The following STX18 variants were observed in gnomAD, a reference collection of about 807,000 sequenced individuals.
The protein encoded by STX18 is syntaxin 18.
STX18 carries 40 observed loss-of-function variants against 50.1 expected under a neutral mutation model. The observed-to-expected ratio is 0.80, with a 90% CI of 0.62 to 1.04. The LOEUF (loss-of-function observed/expected upper bound fraction) is 1.04, where lower values mean the gene tolerates loss of function less well. Ranked by LOEUF, STX18 falls within the 50% of genes least tolerant of loss-of-function variation. The pLI is 0.00. For missense variants in STX18, 410 were observed against 415.8 expected, an observed-to-expected ratio of 0.99 and a Z score of 0.12; for synonymous variants, 158 against 151.8, an observed-to-expected ratio of 1.04 and a Z score of -0.30.
chr4:4,517,026 C>G (rs1453186057), intron 1 of STX18, among the ~76,000 whole-genome samples: 1 of 152,180 alleles, frequency 6.6e-6, no homozygotes, highest in African/African-American at 2.4e-5. Flanking sequence ...GGTTACAATG[C>G]CACAGAGTCT....
intron 1 of STX18, among the ~76,000 whole-genome samples, chr4:4,480,241 A>T (rs1034032331): frequency 2.0e-5 from 3 of 152,228 alleles, no homozygotes; most frequent in Non-Finnish European, 2.9e-5. Context: ...AAAACATGTT[A>T]TTAAACAATC....
At chr4:4,435,158 G>T (rs1725712057) in intron 6 of STX18, among the ~76,000 whole-genome samples, 1 of 152,144 alleles carries the variant, frequency 6.6e-6, no homozygotes, top group South Asian at 2.1e-4. Flanking sequence ...ACATTATTCA[G>T]AATGTCTTCA....
rs750898442 is a variant in STX18, at chr4:4,420,006, C to T, written c.*28G>A. 5.2e-5 allele frequency: 82 copies of T among 1,584,146 alleles called. No homozygotes were observed. The highest frequency in any genetic ancestry group is 1.0e-4 in the Admixed American group (6 of 57,158). On this transcript the variant is annotated 3_prime_UTR_variant, in exon 11 of 11. Coordinates refer to ENST00000306200, the MANE Select transcript of STX18 (RefSeq NM_016930.4). This position sits in a 1 kb window ranked among gnomAD's most constrained non-coding sequence, Gnocchi z 4.3. ...CGCAGTCTGTGAGTGCCCATGAGGA[C>T]TCTCGTGCTGGGCCCCCGTGGCCCT...
rs529390856 is a variant in STX18, at chr4:4,515,039, T to C, written c.168+26758A>G. ...AACATTCAACATAAGGTACTTGTAA[T>C]CCTCTTTAAGTTTCACTTTCTCCAT... is the stretch of plus-strand genomic sequence containing the variant. On this transcript the variant is annotated intron_variant, in intron 1 of 10. Coordinates refer to ENST00000306200, the MANE Select transcript of STX18 (RefSeq NM_016930.4). Among the ~76,000 whole-genome samples, 216 of 152,310 alleles carry C rather than the reference T, an allele frequency of 1.4e-3. 1 individual carries two copies. The highest frequency in any genetic ancestry group is 2.6e-3 in the Non-Finnish European group (180 of 68,020).
intron 1 of STX18, among the ~76,000 whole-genome samples, chr4:4,479,271 C>T (rs184158528): frequency 4.9e-4 from 75 of 152,292 alleles, no homozygotes; most frequent in African/African-American, 1.8e-3. Context: ...CTAACACATC[C>T]TGTATAAATG....
intron 1 of STX18, among the ~76,000 whole-genome samples, chr4:4,513,543 G>GA (rs1730102109): frequency 6.6e-6 from 1 of 152,120 alleles, no homozygotes; most frequent in Admixed American, 6.5e-5. Context: ...GGATCTTATG[G>GA]TTGCTTTTAG....
At chr4:4,487,444 T>A (rs1176213790) in intron 1 of STX18, among the ~76,000 whole-genome samples, 1 of 152,200 alleles carries the variant, frequency 6.6e-6, no homozygotes, top group Non-Finnish European at 1.5e-5. Context: ...TCTCATTGAA[T>A]CCTCACAACA....
At chr4:4,425,380 G>A (rs1232774280) in intron 7 of STX18, 158 bp from the exon 8 acceptor site, 6 of 649,564 alleles carry the variant, frequency 9.2e-6, no homozygotes, top group Non-Finnish European at 1.7e-5. Context: ...GCATTAGTGT[G>A]AACAACGTCC....
intron 1 of STX18, among the ~76,000 whole-genome samples, chr4:4,506,170 A>G (rs1729698439): frequency 6.6e-6 from 1 of 152,248 alleles, no homozygotes; most frequent in Non-Finnish European, 1.5e-5. Context: ...TACACTCACC[A>G]GATAACTTAG....
intron 1 of STX18, among the ~76,000 whole-genome samples, chr4:4,530,727 T>C (rs1289288404): frequency 6.6e-6 from 1 of 152,114 alleles, no homozygotes; most frequent in Non-Finnish European, 1.5e-5. Flanking sequence ...CACCTCAGCC[T>C]CCCGGGTAGC....
At chr4:4,449,496 A>G (rs2108805504) in intron 5 of STX18, among the ~76,000 whole-genome samples, 1 of 152,324 alleles carries the variant, frequency 6.6e-6, no homozygotes, top group South Asian at 2.1e-4. Context: ...CACGGCCTCA[A>G]CACACAATAA....
At position 4,419,419 on chromosome 4, in the gene STX18, T is replaced by C. The variant is rs1398317792; in HGVS notation, c.*615A>G. 6.6e-6 allele frequency: 1 copy of C among 152,234 alleles called. No homozygotes were observed. The highest frequency in any genetic ancestry group is 2.4e-5 in the African/African-American group (1 of 41,456). 9.4% of individuals were successfully genotyped at this position (152,234 alleles called of 1,614,324 possible). On this transcript the variant is annotated 3_prime_UTR_variant, in exon 11 of 11. Coordinates refer to ENST00000306200, the MANE Select transcript of STX18 (RefSeq NM_016930.4). ...CTGCATTTCTTCCCTGATTGATTGA[T>C]AGGAGGTGGCTGGGCTGCCACTGAA...
intron 5 of STX18, among the ~76,000 whole-genome samples, chr4:4,450,000 C>T (rs544614495): frequency 1.3e-5 from 2 of 152,274 alleles, no homozygotes; most frequent in East Asian, 1.9e-4. Context: ...AAGAATCAGC[C>T]ATTTCCCTAA....
In STX18 at chr4:4,507,682, C is replaced by T. The variant is rs1409578749; in HGVS notation, c.168+34115G>A. 8 of 842,826 alleles carry T rather than the reference C, an allele frequency of 9.5e-6. No homozygotes were observed. The East Asian group carries it at 1.5e-4, about 15-fold the overall frequency. The allele number at this position is 842,826 out of a possible 1,614,324, so 52.2% of individuals were successfully genotyped here. On this transcript the variant is annotated intron_variant, in intron 1 of 10. Transcript: ENST00000306200. ...TCATAAAGGTTCGTTTGGACAAAGCCCAGCAGAACAACGTGGAACACAGAC... is the reference window on the plus strand; with the variant it reads ...TCATAAAGGTTCGTTTGGACAAAGCTCAGCAGAACAACGTGGAACACAGAC...
intron 2 of STX18, among the ~76,000 whole-genome samples, chr4:4,464,880 GATTC>G (rs1342567493): frequency 6.6e-6 from 1 of 150,656 alleles, no homozygotes; most frequent in East Asian, 1.9e-4. Context: ...GTGGCTCCTG[GATTC>G]ATTGATTTTT....
chr4:4,533,093 G>T (rs1387850072), intron 1 of STX18, among the ~76,000 whole-genome samples: 2 of 152,136 alleles, frequency 1.3e-5, no homozygotes, highest in African/African-American at 4.8e-5. Context: ...AAGTATTGCC[G>T]GGTTTAAAAT....
intron 1 of STX18, among the ~76,000 whole-genome samples, chr4:4,489,391 A>ATTTTTT (rs34563523): frequency 0.014 from 743 of 51,696 alleles, 175 homozygotes; most frequent in Non-Finnish European, 0.022. Context: ...ATGCAAAATA[A>ATTTTTT]TTTTTTTTTT....
intron 7 of STX18, among the ~76,000 whole-genome samples, chr4:4,429,513 G>A (rs1725418775): frequency 6.6e-6 from 1 of 152,138 alleles, no homozygotes; most frequent in Non-Finnish European, 1.5e-5. Context: ...GAGCACAGGG[G>A]GACCATCCCA....
chr4:4,526,188 G>A (rs2108913611), intron 1 of STX18, among the ~76,000 whole-genome samples: 1 of 152,322 alleles, frequency 6.6e-6, no homozygotes, highest in Middle Eastern at 3.4e-3. Context: ...TTAGCTTGGA[G>A]AGGGACTGAG....
Sources: allele counts gnomAD v4.1 joint callset (sites outside exome capture counted in the v4.1 genomes callset), GRCh38; gene constraint gnomAD v4.1.1; non-coding constraint Gnocchi (gnomAD v3.1); transcripts MANE v1.5; gene names NCBI Gene and HGNC (gene_info 2026-07-23, HGNC 2026-07-21).